TTC29: variants seen among roughly 807,000 people sequenced by gnomAD.
The protein encoded by TTC29 is tetratricopeptide repeat domain 29, also known as tetratricopeptide repeat protein 29.
Under a neutral mutation model 58.1 loss-of-function variants are expected in TTC29, and 49 were observed. The observed-to-expected ratio is 0.84, with a 90% CI of 0.67 to 1.07. The LOEUF is 1.07. Ranked by LOEUF, TTC29 falls within the 50% of genes least tolerant of loss-of-function variation. The probability of loss-of-function intolerance (pLI) is 0.00; values close to 1 mark genes in which losing one functional copy is unlikely to be tolerated. For synonymous variants in TTC29, 209 were observed against 196.8 expected (o/e 1.06, Z -0.52); for missense variants, 582 against 555.6 (o/e 1.05, Z -0.48).
chr4:146,735,278 G>A (rs977428195), intron 11 of TTC29, among the ~76,000 whole-genome samples: 2 of 152,090 alleles, frequency 1.3e-5, no homozygotes, highest in East Asian at 3.9e-4. Flanking sequence ...AGAAACCAAG[G>A]AACTCTTCAA....
chr4:146,807,933 C>T (rs1750728168), intron 10 of TTC29, among the ~76,000 whole-genome samples: 1 of 151,782 alleles, frequency 6.6e-6, no homozygotes, highest in Admixed American at 6.6e-5. Flanking sequence ...AGAGACACAA[C>T]AAAAAAAGAA....
intron 11 of TTC29, among the ~76,000 whole-genome samples, chr4:146,750,173 A>G (rs944096143): frequency 1.8e-4 from 27 of 152,050 alleles, no homozygotes; most frequent in Non-Finnish European, 2.8e-4. Flanking sequence ...AGGCTTGGCT[A>G]ATTTTTTGTA....
At chr4:146,874,102 T>C (rs1300583904) in intron 7 of TTC29, among the ~76,000 whole-genome samples, 2 of 152,174 alleles carry the variant, frequency 1.3e-5, no homozygotes, top group Admixed American at 1.3e-4. Context: ...GCAGCTCTCA[T>C]AGAAGCATTT....
At chr4:146,844,330 C>T (rs552349301) in intron 8 of TTC29, among the ~76,000 whole-genome samples, 2 of 152,172 alleles carry the variant, frequency 1.3e-5, no homozygotes, top group Admixed American at 1.3e-4. Flanking sequence ...ACATACAGCT[C>T]AAAACTGCCA....
chr4:146,822,584 T>C (rs1751926599), intron 9 of TTC29, among the ~76,000 whole-genome samples: 1 of 151,892 alleles, frequency 6.6e-6, no homozygotes, highest in Admixed American at 6.6e-5. Flanking sequence ...GATGTAGGTT[T>C]ACTGAATCAT....
At chr4:146,930,133 C>G (rs1481798785) in intron 4 of TTC29, among the ~76,000 whole-genome samples, 1 of 63,016 alleles carries the variant, frequency 1.6e-5, no homozygotes, top group Admixed American at 1.9e-4. Flanking sequence ...ACATATATAT[C>G]TTGATAAGTT....
chr4:146,782,598 T>C (rs1748703847), intron 11 of TTC29, among the ~76,000 whole-genome samples: 1 of 151,944 alleles, frequency 6.6e-6, no homozygotes, highest in Non-Finnish European at 1.5e-5. Flanking sequence ...TAGTAAGAAG[T>C]AGATGATAGT....
In TTC29 at chr4:146,707,205, T is replaced by C; in HGVS notation, c.1398-17A>G. On this transcript the variant is annotated splice_polypyrimidine_tract_variant and intron_variant, in intron 12 of 12. Coordinates refer to ENST00000325106, the MANE Select transcript of TTC29 (RefSeq NM_031956.4). The stretch of plus-strand genomic sequence containing the variant: ...CCTGGAAACCTGAAATAAAATAAAT[T>C]ATAAATTTAACTTTTATACTGGGCT... 1.4e-6 allele frequency: 2 copies of C among 1,464,176 alleles called. No individual in the cohort carries two copies. Among genetic ancestry groups the C allele is most frequent in the Middle Eastern group, 1.9e-4 (1 of 5,246 alleles). The allele number at this position is 1,464,176 out of a possible 1,614,324, so 90.7% of individuals were successfully genotyped here. A position where few individuals can be genotyped will look rare whatever the true frequency, so the allele number is the denominator to read the frequency against.
intron 4 of TTC29, among the ~76,000 whole-genome samples, chr4:146,915,089 T>C (rs1734134370): frequency 6.6e-6 from 1 of 152,098 alleles, no homozygotes; most frequent in South Asian, 2.1e-4. Flanking sequence ...TTTTTACAAA[T>C]TAAAAAACCT....
chr4:146,921,692 G>A (rs906640412), intron 4 of TTC29, among the ~76,000 whole-genome samples: 1 of 150,678 alleles, frequency 6.6e-6, no homozygotes, highest in Non-Finnish European at 1.5e-5. Context: ...ATAATGAGAA[G>A]ACATCGATTT....
chr4:146,834,884 C>A (rs1307673752), intron 8 of TTC29, among the ~76,000 whole-genome samples: 4 of 152,050 alleles, frequency 2.6e-5, no homozygotes, highest in Admixed American at 2.0e-4. Context: ...TGCGACACTT[C>A]AAAAAATTTG....
chr4:146,874,592 G>T, intron 7 of TTC29, 124 bp downstream of exon 7: 1 of 766,514 alleles, frequency 1.3e-6, no homozygotes, highest in Non-Finnish European at 2.1e-6. Flanking sequence ...TAAATTGATG[G>T]CATTTGTCTT....
intron 11 of TTC29, among the ~76,000 whole-genome samples, chr4:146,750,626 T>C (rs1408110103): frequency 6.6e-6 from 1 of 152,224 alleles, no homozygotes; most frequent in Non-Finnish European, 1.5e-5. Context: ...AGGTTTTGTA[T>C]GCAACAGAGG....
chr4:146,855,909 C>A (rs930798146), intron 8 of TTC29, among the ~76,000 whole-genome samples: 6 of 152,122 alleles, frequency 3.9e-5, no homozygotes, highest in African/African-American at 1.4e-4. Flanking sequence ...TCTCTGGGTT[C>A]TTCTAGGTGT....
intron 11 of TTC29, among the ~76,000 whole-genome samples, chr4:146,767,577 G>T (rs1406522184): frequency 6.6e-6 from 1 of 151,924 alleles, no homozygotes; most frequent in African/African-American, 2.4e-5. Context: ...TTGCTGTTTG[G>T]CATATATGTA....
intron 11 of TTC29, among the ~76,000 whole-genome samples, chr4:146,736,293 G>A (rs1744703558): frequency 6.6e-6 from 1 of 151,794 alleles, no homozygotes; most frequent in Non-Finnish European, 1.5e-5. Context: ...GAAGTTCCTG[G>A]AACTAGGACA....
rs1459543449 is a variant in TTC29 at position 146,836,387 on chromosome 4, T to C, written c.886-2490A>G. ...TAGGGAAAATGTCAATCACATGAAATTCACATGAGGGTCTTGCAAAGGAGC... is the reference window on the plus strand; with the variant it reads ...TAGGGAAAATGTCAATCACATGAAACTCACATGAGGGTCTTGCAAAGGAGC... On this transcript the variant is annotated intron_variant, in intron 8 of 12. Transcript: ENST00000325106. Among the ~76,000 whole-genome samples, 4 of 152,190 alleles carry C rather than the reference T, an allele frequency of 2.6e-5. No individual in the cohort carries two copies. The East Asian group carries it at 7.7e-4, about 29-fold the overall frequency.
At chr4:146,779,793 G>A (rs1748450018) in intron 11 of TTC29, among the ~76,000 whole-genome samples, 1 of 152,078 alleles carries the variant, frequency 6.6e-6, no homozygotes, top group Non-Finnish European at 1.5e-5. Context: ...TCACTTAATG[G>A]AAGACTAACC....
chr4:146,716,868 G>C (rs1438535263), intron 11 of TTC29, among the ~76,000 whole-genome samples: 1 of 152,080 alleles, frequency 6.6e-6, no homozygotes. Flanking sequence ...TTAAAACAAT[G>C]ACAGTGAGAA....
Sources: gnomAD v4.1 joint callset for allele counts (sites outside exome capture counted in the v4.1 genomes callset) on GRCh38, gnomAD v4.1.1 for gene constraint, MANE v1.5 for transcripts, NCBI Gene and HGNC (gene_info 2026-07-23, HGNC 2026-07-21) for gene names.